TYR: variants seen among roughly 807,000 people sequenced by gnomAD.
The protein encoded by TYR is LB24-AB.
In TYR, 58 loss-of-function variants were observed where a neutral mutation model predicts 51.5. That is an observed-to-expected ratio of 1.13 (90% confidence interval 0.91 to 1.40). The LOEUF is 1.40. TYR is among the 40% of genes most tolerant of loss of function. The pLI is 0.00. For synonymous variants in TYR, 263 were observed against 235.2 expected, an observed-to-expected ratio of 1.12 and a Z score of -1.08; for missense variants, 732 against 647.4, an observed-to-expected ratio of 1.13 and a Z score of -1.42.
intron 2 of TYR, among the ~76,000 whole-genome samples, chr11:89,207,786 C>T (rs1447637471): frequency 2.6e-5 from 4 of 151,912 alleles, no homozygotes; most frequent in African/African-American, 9.7e-5. Flanking sequence ...CCAAAAATAC[C>T]AAACTGCTTC....
At chr11:89,178,901 T>A in intron 1 of TYR, 129 bp downstream of exon 1, 1 of 877,878 alleles carries the variant, frequency 1.1e-6, no homozygotes, top group African/African-American at 1.7e-5. Flanking sequence ...GGTGCCCTGT[T>A]AAGAACTCTC....
chr11:89,187,540 C>G (rs1025301955), intron 1 of TYR, among the ~76,000 whole-genome samples: 5 of 152,002 alleles, frequency 3.3e-5, no homozygotes, highest in African/African-American at 1.2e-4. Flanking sequence ...ACTAGAGTGC[C>G]TTTATGTGGG....
chr11:89,203,380 A>G (rs1943625515), intron 2 of TYR, among the ~76,000 whole-genome samples: 1 of 152,228 alleles, frequency 6.6e-6, no homozygotes, highest in African/African-American at 2.4e-5. Context: ...CCTCTGGTAT[A>G]TGACCCAACA....
At chr11:89,202,546 T>C (rs1943610022) in intron 2 of TYR, among the ~76,000 whole-genome samples, 1 of 151,830 alleles carries the variant, frequency 6.6e-6, no homozygotes, top group African/African-American at 2.4e-5. Flanking sequence ...GGGTTTTACA[T>C]ATACGCCAAT....
At chr11:89,194,932 A>G (rs73529688) in intron 2 of TYR, among the ~76,000 whole-genome samples, 2 of 152,274 alleles carry the variant, frequency 1.3e-5, no homozygotes, top group African/African-American at 4.8e-5. Flanking sequence ...CATGACTCCA[A>G]GGAGTAATGT....
rs1454031332 is a variant in TYR, at chr11:89,284,967, T to G, written c.1366+13T>G. Reference sequence around the variant, plus strand: ...CTACAAGATTCAGGTAAAGTTTACTTTCTTTCAGAGGAATTGCTGAATCTA... The same window carrying G: ...CTACAAGATTCAGGTAAAGTTTACTGTCTTTCAGAGGAATTGCTGAATCTA... On this transcript the variant is annotated intron_variant, in intron 4 of 4. Transcript: ENST00000263321. 6.2e-7 allele frequency: 1 copy of G among 1,608,704 alleles called. No homozygotes were observed. The highest frequency in any genetic ancestry group is 1.1e-5 in the South Asian group (1 of 90,956).
chr11:89,181,019 T>C (rs2135244473), intron 1 of TYR, among the ~76,000 whole-genome samples: 1 of 152,310 alleles, frequency 6.6e-6, no homozygotes, highest in South Asian at 2.1e-4. Flanking sequence ...GAAATTCAGA[T>C]TCAGGTGGTC....
intron 1 of TYR, among the ~76,000 whole-genome samples, chr11:89,189,015 T>C (rs764798768): frequency 1.3e-5 from 2 of 152,124 alleles, no homozygotes; most frequent in Non-Finnish European, 2.9e-5. Flanking sequence ...AACAACATCC[T>C]GTTGTCAGCC....
chr11:89,206,170 A>G (rs2135265166), intron 2 of TYR, among the ~76,000 whole-genome samples: 1 of 152,238 alleles, frequency 6.6e-6, no homozygotes, highest in Non-Finnish European at 1.5e-5. Flanking sequence ...TATAATACTT[A>G]TATTAAATGT....
chr11:89,185,776 C>T (rs961015094), intron 1 of TYR, among the ~76,000 whole-genome samples: 3 of 151,942 alleles, frequency 2.0e-5, no homozygotes, highest in South Asian at 4.1e-4. Context: ...TCTAAGGTAT[C>T]AATGAATTTA....
intron 1 of TYR, among the ~76,000 whole-genome samples, chr11:89,190,924 G>T (rs1257598050): frequency 6.6e-6 from 1 of 152,118 alleles, no homozygotes; most frequent in Non-Finnish European, 1.5e-5. Context: ...GGACAGATTT[G>T]TAGCCTAGGA....
intron 3 of TYR, among the ~76,000 whole-genome samples, chr11:89,228,232 G>A (rs1036831167): frequency 2.6e-5 from 4 of 152,146 alleles, no homozygotes; most frequent in African/African-American, 7.2e-5. Context: ...TACAATGTCA[G>A]TTGAAATCCA....
chr11:89,223,963 G>A (rs1224514124), intron 2 of TYR, among the ~76,000 whole-genome samples: 1 of 149,618 alleles, frequency 6.7e-6, no homozygotes, highest in East Asian at 2.0e-4. Flanking sequence ...ACATCTGTCA[G>A]GTCAGTATAG....
chr11:89,209,169 G>C lies in TYR; in HGVS notation c.1036+17751G>C, dbSNP rs1002181653. 5.3e-4 allele frequency among the ~76,000 whole-genome samples: 81 copies of C among 152,218 alleles called. 2 individuals carry two copies. Among genetic ancestry groups the C allele is most frequent in the Non-Finnish European group, 1.2e-4 (8 of 68,042 alleles). ...ATCTGGGAAGCACAAGGGGTTGGGG[G>C]ATTTCCCTTTCCTAGCCCAAGGAAG... On this transcript the variant is annotated intron_variant, in intron 2 of 4. Coordinates refer to ENST00000263321, the MANE Select transcript of TYR (RefSeq NM_000372.5).
intron 3 of TYR, among the ~76,000 whole-genome samples, chr11:89,251,131 T>C (rs186834414): frequency 7.0e-4 from 107 of 152,028 alleles, no homozygotes; most frequent in Middle Eastern, 6.8e-3. Flanking sequence ...ACAGGTACTA[T>C]AAAACATATG....
chr11:89,252,412 T>C (rs1293202218), intron 3 of TYR, among the ~76,000 whole-genome samples: 1 of 151,622 alleles, frequency 6.6e-6, no homozygotes, highest in Non-Finnish European at 1.5e-5. Context: ...AAGTCCATAA[T>C]GGGGCAGAAA....
At position 89,249,575 on chromosome 11, in the gene TYR, G is replaced by A. The variant is rs1376292805; in HGVS notation, c.1184+21605G>A. On this transcript the variant is annotated intron_variant, in intron 3 of 4. Coordinates refer to ENST00000263321, the MANE Select transcript of TYR (RefSeq NM_000372.5). The stretch of plus-strand genomic sequence containing the variant: ...TTGTTGGGTCTGAAAACACAAGGAT[G>A]ATCATGCCCTTGGCAACAGAAAAGT... Among the ~76,000 whole-genome samples the A allele has an allele frequency of 1.5e-4, 23 of 151,706 alleles. 1 individual carries two copies. The highest frequency in any genetic ancestry group is 2.0e-4 in the Admixed American group (3 of 15,206).
chr11:89,223,326 C>A (rs1943937027), intron 2 of TYR, among the ~76,000 whole-genome samples: 1 of 152,042 alleles, frequency 6.6e-6, no homozygotes, highest in Non-Finnish European at 1.5e-5. Flanking sequence ...TCCTCTTTGA[C>A]TTATTCTTCC....
At chr11:89,293,412 G>A (rs549440962) in intron 4 of TYR, among the ~76,000 whole-genome samples, 1 of 151,466 alleles carries the variant, frequency 6.6e-6, no homozygotes, top group Non-Finnish European at 1.5e-5. Flanking sequence ...TTCTGATTGA[G>A]TAATGACTAT....
Sources: gnomAD v4.1 joint callset for allele counts (sites outside exome capture counted in the v4.1 genomes callset) on GRCh38, gnomAD v4.1.1 for gene constraint, MANE v1.5 for transcripts, NCBI Gene and HGNC (gene_info 2026-07-23, HGNC 2026-07-21) for gene names.